Variants in PTPRN2 observed in about 807,000 individuals in gnomAD.
The protein encoded by PTPRN2 is receptor-type tyrosine-protein phosphatase N2.
Under a neutral mutation model 118.8 loss-of-function variants are expected in PTPRN2, and 74 were observed. That is an observed-to-expected ratio of 0.62 (90% CI 0.52 to 0.76). The LOEUF (loss-of-function observed/expected upper bound fraction) is 0.76, where lower values mean the gene tolerates loss of function less well. PTPRN2 is among the 30% of genes least tolerant of loss of function. PTPRN2 has a pLI of 0.00. For synonymous variants in PTPRN2, 641 were observed against 608.0 expected (o/e 1.05, Z -0.80); for missense variants, 1,481 against 1,394.4 (o/e 1.06, Z -0.99).
intron 11 of PTPRN2, among the ~76,000 whole-genome samples, chr7:158,071,857 GGTGCTCGTC>G (rs1811878917): frequency 6.2e-5 from 1 of 16,038 alleles, no homozygotes; most frequent in Non-Finnish European, 1.1e-4. Context: ...TGGTGGTGGA[GGTGCTCGTC>G]ATATGGAGGT....
At chr7:157,973,475 T>C (rs573891946) in intron 11 of PTPRN2, among the ~76,000 whole-genome samples, 1 of 152,368 alleles carries the variant, frequency 6.6e-6, no homozygotes, top group African/African-American at 2.4e-5. Flanking sequence ...GAATTTCCAA[T>C]ATTTATATAC....
chr7:158,260,848 G>T (rs1336150737), intron 3 of PTPRN2, among the ~76,000 whole-genome samples: 2 of 152,178 alleles, frequency 1.3e-5, no homozygotes, highest in Non-Finnish European at 2.9e-5. Context: ...AGTCGCACAG[G>T]CCGGGACCCA....
intron 2 of PTPRN2, among the ~76,000 whole-genome samples, chr7:158,431,489 GCTTGC>G (rs1816182824): frequency 6.7e-6 from 1 of 148,750 alleles, no homozygotes. Context: ...GCACACACTG[GCTTGC>G]ACTGGGCTCA....
chr7:158,472,571 A>T (rs1413966340), intron 2 of PTPRN2, among the ~76,000 whole-genome samples: 1 of 152,138 alleles, frequency 6.6e-6, no homozygotes, highest in Non-Finnish European at 1.5e-5. Context: ...CCAGGCCTGG[A>T]ATAGAGAGAG....
At chr7:158,143,917 C>A (rs971138379) in intron 6 of PTPRN2, among the ~76,000 whole-genome samples, 1 of 152,176 alleles carries the variant, frequency 6.6e-6, no homozygotes, top group African/African-American at 2.4e-5. Context: ...AGCTCCCAGG[C>A]AGCAGAGTGG....
chr7:158,031,241 C>T (rs1807665046), intron 11 of PTPRN2: 2 of 152,174 alleles, frequency 1.3e-5, no homozygotes, highest in Non-Finnish European at 2.9e-5. Flanking sequence ...CAGACGACCT[C>T]GATCTCACCG....
rs374636510 is a variant in PTPRN2, at chr7:158,361,174, C to A, written c.164-44242G>T. Among the ~76,000 whole-genome samples the A allele has an allele frequency of 9.9e-3, 74 of 7,496 alleles. 33 individuals carry two copies. The highest frequency in any genetic ancestry group is 0.038 in the African/African-American group (20 of 524). The allele number at this position is 7,496 out of a possible 152,430, so 4.9% of individuals were successfully genotyped here. ...CACAGACCCTGCATCCACCCTCACCCAGGATGATGCGCAGACCCCACACCC... is the reference window on the plus strand; with the variant it reads ...CACAGACCCTGCATCCACCCTCACCAAGGATGATGCGCAGACCCCACACCC... On this transcript the variant is annotated intron_variant, in intron 2 of 22. Transcript: ENST00000389418.
At chr7:157,911,608 G>A (rs1798111397) in intron 11 of PTPRN2, among the ~76,000 whole-genome samples, 1 of 152,130 alleles carries the variant, frequency 6.6e-6, no homozygotes, top group Admixed American at 6.5e-5. Context: ...TAAAATATGT[G>A]TTGGTTCCAA....
At chr7:157,541,397 C>T (rs1426635880) in intron 22 of PTPRN2, among the ~76,000 whole-genome samples, 1 of 152,256 alleles carries the variant, frequency 6.6e-6, no homozygotes, top group Non-Finnish European at 1.5e-5. Context: ...TGGGCAGGCA[C>T]ACCTGAGGGG....
chr7:158,139,265 C>A (rs1219731436), intron 6 of PTPRN2, among the ~76,000 whole-genome samples: 1 of 152,148 alleles, frequency 6.6e-6, no homozygotes, highest in African/African-American at 2.4e-5. Flanking sequence ...CGCTGCTCAG[C>A]AGAGTGGGGA....
chr7:158,365,772 TAC>T (rs1295512736), intron 2 of PTPRN2, among the ~76,000 whole-genome samples: 47 of 52,204 alleles, frequency 9.0e-4, no homozygotes, highest in East Asian at 2.7e-3. Context: ...CACACGTGCA[TAC>T]ACACACACAC....
intron 12 of PTPRN2, among the ~76,000 whole-genome samples, chr7:157,730,203 C>G (rs905341824): frequency 9.2e-5 from 14 of 151,694 alleles, no homozygotes; most frequent in African/African-American, 3.4e-4. Context: ...CCCCCGGGCA[C>G]TCGGGGTGAA....
At chr7:158,417,224 T>C (rs1814745800) in intron 2 of PTPRN2, among the ~76,000 whole-genome samples, 1 of 152,090 alleles carries the variant, frequency 6.6e-6, no homozygotes, top group Non-Finnish European at 1.5e-5. Context: ...TACAACAAGA[T>C]GCTCTAGCTC....
intron 15 of PTPRN2, among the ~76,000 whole-genome samples, chr7:157,605,461 A>ACCCACAGTG (rs1190176359): frequency 6.6e-6 from 1 of 152,074 alleles, no homozygotes; most frequent in Non-Finnish European, 1.5e-5. Context: ...CCTTCTCTTC[A>ACCCACAGTG]CCCACAGTGT....
intron 11 of PTPRN2, among the ~76,000 whole-genome samples, chr7:157,999,155 C>G (rs553259617): frequency 6.6e-6 from 1 of 152,144 alleles, no homozygotes; most frequent in Non-Finnish European, 1.5e-5. Context: ...CAGCCCCTCA[C>G]ACCCCTGCAC....
chr7:157,691,809 C>T (rs1359540084), intron 12 of PTPRN2, among the ~76,000 whole-genome samples: 1 of 152,184 alleles, frequency 6.6e-6, no homozygotes, highest in African/African-American at 2.4e-5. Context: ...GTCAGGCCCG[C>T]AGCGGGCGAG....
At chr7:158,413,666 G>A (rs528720943) in intron 2 of PTPRN2, among the ~76,000 whole-genome samples, 4 of 152,358 alleles carry the variant, frequency 2.6e-5, no homozygotes, top group African/African-American at 9.6e-5. Context: ...CTAACAGTGG[G>A]AAGACTTCTG....
At chr7:158,268,288 C>T (rs1016588296) in intron 3 of PTPRN2, among the ~76,000 whole-genome samples, 15 of 147,212 alleles carry the variant, frequency 1.0e-4, no homozygotes, top group African/African-American at 1.5e-4. Flanking sequence ...AGCCCAGACG[C>T]GTGCACACGG....
intron 12 of PTPRN2, among the ~76,000 whole-genome samples, chr7:157,791,557 C>T (rs1461677457): frequency 1.4e-5 from 2 of 144,966 alleles, no homozygotes; most frequent in South Asian, 2.3e-4. Context: ...CCACCTGCCC[C>T]CCCTCCCTGC....
Sources: gnomAD v4.1 joint callset for allele counts (sites outside exome capture counted in the v4.1 genomes callset) on GRCh38, gnomAD v4.1.1 for gene constraint, MANE v1.5 for transcripts, NCBI Gene and HGNC (gene_info 2026-07-23, HGNC 2026-07-21) for gene names.